MTF1: variants seen among roughly 807,000 people sequenced by gnomAD.
MTF1 encodes the protein MRE-binding transcription factor.
A neutral mutation model predicts 70.4 loss-of-function variants in MTF1; 22 were observed. The ratio of observed to expected loss-of-function variants is 0.31; its 90% CI spans 0.22 to 0.45. The LOEUF (loss-of-function observed/expected upper bound fraction) is 0.45, where lower values mean the gene tolerates loss of function less well. Ranked by LOEUF, MTF1 falls within the 20% of genes least tolerant of loss-of-function variation. The probability of loss-of-function intolerance (pLI) is 1.00; values close to 1 mark genes in which losing one functional copy is unlikely to be tolerated. For synonymous variants in MTF1, 333 were observed against 352.8 expected, an observed-to-expected ratio of 0.94 and a Z score of 0.63; for missense variants, 649 against 922.0, an observed-to-expected ratio of 0.70 and a Z score of 3.83.
At chr1:37,819,111 C>G (rs565533881) in intron 9 of MTF1, among the ~76,000 whole-genome samples, 1 of 152,204 alleles carries the variant, frequency 6.6e-6, no homozygotes, top group Non-Finnish European at 1.5e-5. Flanking sequence ...AGGAGGGCGG[C>G]CCTCCAGATG....
chr1:37,828,450 G>A (rs1302535376), intron 7 of MTF1, among the ~76,000 whole-genome samples: 8 of 152,110 alleles, frequency 5.3e-5, no homozygotes, highest in South Asian at 2.1e-4. Context: ...GATTACAGGC[G>A]CCCGCCACCA....
At chr1:37,854,924 T>C (rs1157250371) in intron 2 of MTF1, among the ~76,000 whole-genome samples, 3 of 152,160 alleles carry the variant, frequency 2.0e-5, no homozygotes, top group Non-Finnish European at 4.4e-5. Context: ...CTGGGTGTGG[T>C]AGCGCATGCC....
At chr1:37,838,130 GCA>G (rs1471960571) in intron 4 of MTF1, among the ~76,000 whole-genome samples, 1 of 152,042 alleles carries the variant, frequency 6.6e-6, no homozygotes, top group African/African-American at 2.4e-5. Context: ...AGTAACAACT[GCA>G]CCACTAAGCT....
At position 37,839,964 on chromosome 1, in the gene MTF1, C is replaced by T. The variant is rs1641231730; in HGVS notation, c.603G>A (p.Glu201=). The T allele has an allele frequency of 3.1e-6, 5 of 1,614,230 alleles. No homozygotes were observed. Among genetic ancestry groups the T allele is most frequent in the Non-Finnish European group, 4.2e-6 (5 of 1,180,040 alleles). The change falls in exon 3 of 11, where the codon GAG becomes GAA. Residue 201 remains glutamate, a synonymous_variant. Transcript: ENST00000373036. ...CCTTCTCACAGCCCTGCACGTCACA[C>T]TCAAATGGCTTCTCCTTCGTGTGCA... ...VRVHTKEKPF[E]CDVQGCEKAF...
chr1:37,822,536 G>A lies in MTF1; in HGVS notation c.1352C>T (p.Pro451Leu), dbSNP rs137889002. Reference protein sequence around the residue: ...SAPPPAPSLGPGSQQAAFGNP... With the variant: ...SAPPPAPSLGLGSQQAAFGNP... ...GCCAAATGCAGCTTGCTGGGAGCCA[G>A]GTCCTAGGGAGGGAGCAGGCGGAGG... The change falls in exon 9 of 11, where the codon CCT (proline) becomes CTT (leucine). Residue 451 changes from proline to leucine, a missense_variant. By Grantham distance (98) the Pro-to-Leu change is moderately conservative. Around this residue, in one of 7 missense-constraint regions of MTF1, gnomAD observed 267 missense variants for 292.1 expected, o/e 0.91. Coordinates refer to ENST00000373036, the MANE Select transcript of MTF1 (RefSeq NM_005955.3). 19 of 1,614,132 alleles carry A rather than the reference G, an allele frequency of 1.2e-5. No homozygotes were observed. In the African/African-American group the frequency reaches 2.1e-4, roughly 18 times the overall value.
At chr1:37,838,320 C>A (rs927589826) in intron 4 of MTF1, among the ~76,000 whole-genome samples, 6 of 152,260 alleles carry the variant, frequency 3.9e-5, no homozygotes, top group African/African-American at 1.4e-4. Flanking sequence ...AGGCCTGCTT[C>A]GGAGTATTTC....
At chr1:37,823,882 CAAAGCAGCAGAACTAG>C (rs1374042501) in intron 7 of MTF1, 70 bp from the exon 8 acceptor site, 1 of 1,115,210 alleles carries the variant, frequency 9.0e-7, no homozygotes, top group Non-Finnish European at 1.4e-6. Context: ...AAAACACATT[CAAAGCAGCAGAACTAG>C]AATGAAAATC....
chr1:37,834,915 C>T (rs1303641238), intron 6 of MTF1, among the ~76,000 whole-genome samples, 164 bp downstream of exon 6: 4 of 152,184 alleles, frequency 2.6e-5, no homozygotes, highest in East Asian at 1.9e-4. Flanking sequence ...GTGAAGACGT[C>T]GAGTAGGTGG....
In MTF1 at chr1:37,857,314, T is replaced by G. The variant is rs776022500; in HGVS notation, c.345A>C (p.Pro115=). Residue 115 remains proline, a synonymous_variant, in exon 2 of 11, where the codon CCA becomes CCC. Coordinates refer to ENST00000373036, the MANE Select transcript of MTF1 (RefSeq NM_005955.3). ...LTINPGSTPM[P]RNIEGATLTL... ...TGAGGGTTGCACCTTCAATATTTCT[T>G]GGCATGGGTGTGGAACCAGGGTTTA... The G allele has an allele frequency of 1.9e-6, 3 of 1,614,104 alleles. No homozygotes were observed. The highest frequency in any genetic ancestry group is 2.5e-6 in the Non-Finnish European group (3 of 1,180,052).
In MTF1 at chr1:37,815,416, G is replaced by A. The variant is rs757029855; in HGVS notation, c.1982C>T (p.Pro661Leu). 73 of 1,613,514 alleles carry A rather than the reference G, an allele frequency of 4.5e-5. No homozygotes were observed. The highest frequency in any genetic ancestry group is 5.7e-5 in the Non-Finnish European group (67 of 1,179,736). Reference protein sequence around the residue: ...KGCSSPPPPEPSPQAPDGPSL... With the variant: ...KGCSSPPPPELSPQAPDGPSL... ...GGGCCCATCAGGAGCCTGGGGGCTC[G>A]GCTCTGGAGGGGGTGGGGAGGAGCA... The change falls in exon 11 of 11, where the codon CCG (proline) becomes CTG (leucine). Residue 661 changes from proline (P) to leucine (L), a missense_variant. By Grantham distance (98) the Pro-to-Leu change is moderately conservative. Coordinates refer to ENST00000373036, the MANE Select transcript of MTF1 (RefSeq NM_005955.3). This position sits in a 1 kb window ranked among gnomAD's most constrained non-coding sequence, Gnocchi z 4.5.
intron 7 of MTF1, among the ~76,000 whole-genome samples, chr1:37,827,780 T>G (rs1052692613): frequency 2.6e-5 from 4 of 152,236 alleles, no homozygotes; most frequent in African/African-American, 4.8e-5. Flanking sequence ...GCTATATTTG[T>G]CAATGATATT....
Position 37,857,632 on chromosome 1 carries a change from G to A in MTF1, c.27C>T (p.Asn9=). 6.2e-7 allele frequency: 1 copy of A among 1,613,932 alleles called. No individual in the cohort carries two copies. Among genetic ancestry groups the A allele is most frequent in the Admixed American group, 1.7e-5 (1 of 60,010 alleles). MGEHSPDN[N]IIYFEAEEDE... is the part of the protein sequence containing the mutation. ...CTTCCTCTGCCTCAAAGTAGATGATGTTGTTGTCTGGACTGTGTTCCCCCA... is the reference window on the plus strand; with the variant it reads ...CTTCCTCTGCCTCAAAGTAGATGATATTGTTGTCTGGACTGTGTTCCCCCA... The change falls in exon 2 of 11, where the codon AAC becomes AAT. Residue 9 remains asparagine, a synonymous_variant. Transcript: ENST00000373036.
rs900752063 is a variant in MTF1 at position 37,854,911 on chromosome 1, T to C, written c.408+2340A>G. Among the ~76,000 whole-genome samples the C allele has an allele frequency of 1.1e-4, 17 of 151,970 alleles. No individual in the cohort carries two copies. In the East Asian group the frequency reaches 2.1e-3, roughly 19 times the overall value. On this transcript the variant is annotated intron_variant, in intron 2 of 10. Coordinates refer to ENST00000373036, the MANE Select transcript of MTF1 (RefSeq NM_005955.3). ...CCTGTCTCTACTAAAAATACAAAAT[T>C]AGCTGGGTGTGGTAGCGCATGCCTG...
chr1:37,845,386 T>C (rs1641317351), intron 2 of MTF1, among the ~76,000 whole-genome samples: 1 of 151,974 alleles, frequency 6.6e-6, no homozygotes, highest in Non-Finnish European at 1.5e-5. Flanking sequence ...AGTGAGACAA[T>C]GAATATCAAC....
chr1:37,830,161 C>T (rs978697295), intron 7 of MTF1, among the ~76,000 whole-genome samples: 31 of 152,178 alleles, frequency 2.0e-4, no homozygotes, highest in African/African-American at 7.2e-4. Flanking sequence ...TTGAGGGCAT[C>T]TAGACCACCC....
rs544052027 is a variant in MTF1, at chr1:37,818,506, C to A, written c.1768-1024G>T. Among the ~76,000 whole-genome samples, 31 of 151,276 alleles carry A rather than the reference C, an allele frequency of 2.0e-4. No homozygotes were observed. The South Asian group carries it at 6.3e-3, about 31-fold the overall frequency. ...AATCACAAGGTCAGGAGATCGAGAC[C>A]ATCCTAGCTAACATAGTGAAACTCC... On this transcript the variant is annotated intron_variant, in intron 9 of 10. Coordinates refer to ENST00000373036, the MANE Select transcript of MTF1 (RefSeq NM_005955.3).
At chr1:37,827,484 A>C (rs1388890616) in intron 7 of MTF1, among the ~76,000 whole-genome samples, 1 of 151,964 alleles carries the variant, frequency 6.6e-6, no homozygotes, top group South Asian at 2.1e-4. Flanking sequence ...CAGCCTCCCA[A>C]GTAGCTGGGA....
chr1:37,815,040 T>G lies in MTF1; in HGVS notation c.*96A>C, dbSNP rs1640793297. The G allele has an allele frequency of 1.1e-5, 11 of 997,478 alleles. No individual in the cohort carries two copies. Among genetic ancestry groups the G allele is most frequent in the Non-Finnish European group, 1.6e-5 (11 of 673,174 alleles). 61.8% of individuals were successfully genotyped at this position (997,478 alleles called of 1,614,324 possible). On this transcript the variant is annotated 3_prime_UTR_variant, in exon 11 of 11. Coordinates refer to ENST00000373036, the MANE Select transcript of MTF1 (RefSeq NM_005955.3). The surrounding 1 kb of genome is among the most constrained non-coding windows in gnomAD (Gnocchi z 4.5). ...AGGTGAGGATTTCAAACAGTAGATTTCTTCATCCTTCAAATTTCTGACCCA... is the reference window on the plus strand; with the variant it reads ...AGGTGAGGATTTCAAACAGTAGATTGCTTCATCCTTCAAATTTCTGACCCA...
chr1:37,843,723 TA>T (rs1369556897), intron 2 of MTF1, among the ~76,000 whole-genome samples: 1 of 152,220 alleles, frequency 6.6e-6, no homozygotes, highest in Non-Finnish European at 1.5e-5. Context: ...TCTAAAAATG[TA>T]AAAACCATTC....
Sources: allele counts gnomAD v4.1 joint callset (sites outside exome capture counted in the v4.1 genomes callset), GRCh38; gene constraint gnomAD v4.1.1; regional missense constraint gnomAD v4.1.1; non-coding constraint Gnocchi (gnomAD v3.1); transcripts MANE v1.5; gene names NCBI Gene and HGNC (gene_info 2026-07-23, HGNC 2026-07-21).